Variants in PHC3 observed in about 807,000 individuals in gnomAD.
PHC3 encodes the protein polyhomeotic homolog 3.
In PHC3, 13 loss-of-function variants were observed where a neutral mutation model predicts 107.4. The ratio of observed to expected loss-of-function variants is 0.12; its 90% CI spans 0.08 to 0.19. PHC3 has a LOEUF of 0.19. PHC3 is among the 10% of genes least tolerant of loss of function. PHC3 has a pLI of 1.00. For missense variants in PHC3, 992 were observed against 1,210.9 expected (o/e 0.82, Z 2.68); for synonymous variants, 456 against 427.4 (o/e 1.07, Z -0.83).
intron 7 of PHC3, among the ~76,000 whole-genome samples, chr3:170,129,976 A>C (rs1721979610): frequency 2.6e-5 from 4 of 152,202 alleles, no homozygotes; most frequent in Admixed American, 1.3e-4. Flanking sequence ...TGGGATTACT[A>C]GCGTGAGCCA....
chr3:170,176,501 A>C (rs868478283), intron 2 of PHC3, among the ~76,000 whole-genome samples: 3 of 152,236 alleles, frequency 2.0e-5, no homozygotes, highest in Non-Finnish European at 4.4e-5. Flanking sequence ...GGATTCTACC[A>C]GAAGAAAGCA....
intron 12 of PHC3, among the ~76,000 whole-genome samples, chr3:170,106,567 T>G (rs1010481338): frequency 2.6e-5 from 4 of 152,174 alleles, no homozygotes; most frequent in Non-Finnish European, 5.9e-5. Context: ...AGATTACTAC[T>G]TTAATATTAG....
intron 6 of PHC3, among the ~76,000 whole-genome samples, chr3:170,142,460 CA>C (rs1164938269): frequency 0.014 from 1,960 of 135,648 alleles, 39 homozygotes; most frequent in African/African-American, 0.047. Context: ...CCGACTTTTG[CA>C]AAAAAAAAAA....
rs763602106 is a variant in PHC3, at chr3:170,172,656, T to C, written c.237A>G (p.Gln79=). Residue 79 remains glutamine (Q), a synonymous_variant, in exon 3 of 15, where the codon CAA becomes CAG. Transcript: ENST00000495893. ...PPSSAAQYLQ[Q]MYAAQQQHLM... ...AGTGCTGTTGTTGGGCTGCATACATTTGCTGAAGGTACTGAGCAGCTGAGC... is the reference window on the plus strand; with the variant it reads ...AGTGCTGTTGTTGGGCTGCATACATCTGCTGAAGGTACTGAGCAGCTGAGC... 1 of 1,613,402 alleles carries C rather than the reference T, an allele frequency of 6.2e-7. No homozygotes were observed. Among genetic ancestry groups the C allele is most frequent in the Non-Finnish European group, 8.5e-7 (1 of 1,179,602 alleles).
intron 9 of PHC3, among the ~76,000 whole-genome samples, chr3:170,117,862 A>C (rs1019899673): frequency 6.6e-6 from 1 of 151,994 alleles, no homozygotes; most frequent in African/African-American, 2.4e-5. Flanking sequence ...AAAAAAACAA[A>C]ATTAGCAGAG....
At chr3:170,146,877 CTTTTTTTTTTTTT>C (rs1035803336) in intron 5 of PHC3, among the ~76,000 whole-genome samples, 1,193 of 98,024 alleles carry the variant, frequency 0.012, 28 homozygotes, top group African/African-American at 0.044. Context: ...TCTATTTTTT[CTTTTTTTTTTTTT>C]TTTTTTTTTG....
At chr3:170,110,909 A>C (rs1269697922) in intron 11 of PHC3, among the ~76,000 whole-genome samples, 1 of 152,160 alleles carries the variant, frequency 6.6e-6, no homozygotes, top group Non-Finnish European at 1.5e-5. Flanking sequence ...TTGTAGATAT[A>C]GGCCAAGAAA....
chr3:170,168,700 G>A (rs1729114728), intron 4 of PHC3, among the ~76,000 whole-genome samples: 1 of 137,246 alleles, frequency 7.3e-6, no homozygotes, highest in Non-Finnish European at 1.5e-5. Context: ...CTTGCGGTGA[G>A]CCGAGATCAC....
intron 9 of PHC3, 111 bp from the exon 10 acceptor site, chr3:170,117,587 A>G: frequency 8.9e-7 from 1 of 1,117,602 alleles, no homozygotes; most frequent in South Asian, 1.7e-5. Flanking sequence ...GGTACTTTCA[A>G]AAACTGTTCT....
intron 4 of PHC3, among the ~76,000 whole-genome samples, chr3:170,154,992 G>A (rs533433445): frequency 6.6e-6 from 1 of 152,252 alleles, no homozygotes; most frequent in East Asian, 1.9e-4. Flanking sequence ...TGAAGACCCT[G>A]ACCAATCCTG....
At chr3:170,171,508 G>A in intron 3 of PHC3, 58 bp from the exon 4 acceptor site, 1 of 1,237,732 alleles carries the variant, frequency 8.1e-7, no homozygotes, top group Non-Finnish European at 1.1e-6. Context: ...AGAACTTTCT[G>A]GTACCATGAT....
intron 4 of PHC3, among the ~76,000 whole-genome samples, chr3:170,159,288 A>G (rs769260586): frequency 5.9e-5 from 9 of 151,976 alleles, no homozygotes; most frequent in African/African-American, 1.9e-4. Context: ...GATAAATAGC[A>G]TAACAGAGAT....
At chr3:170,113,872 C>T (rs1252235036) in intron 10 of PHC3, among the ~76,000 whole-genome samples, 3 of 152,018 alleles carry the variant, frequency 2.0e-5, no homozygotes, top group East Asian at 3.8e-4. Context: ...ATTTTGGTAG[C>T]TCAGTCCAAC....
At chr3:170,172,509 T>C in intron 3 of PHC3, 48 bp downstream of exon 3, 1 of 1,580,252 alleles carries the variant, frequency 6.3e-7, no homozygotes, top group South Asian at 1.2e-5. Context: ...AGTAACTACC[T>C]ACAGATAACA....
Position 170,097,249 on chromosome 3 carries a change from T to C in PHC3, c.2969A>G (p.Asn990Ser), listed in dbSNP as rs748139493. The C allele has an allele frequency of 3.7e-6, 6 of 1,608,218 alleles. No individual in the cohort carries two copies. The highest frequency in any genetic ancestry group is 2.2e-5 in the East Asian group (1 of 44,832). Residue 990 changes from asparagine (N) to serine (S), a missense_variant, in exon 15 of 15, where the codon AAC (asparagine) becomes AGC (serine). This residue lies in a region of PHC3 where 21 missense variants were observed against 52.5 expected (regional missense o/e 0.40). Transcript: ENST00000495893. The surrounding 1 kb of genome is among the most constrained non-coding windows in gnomAD (Gnocchi z 4.1). ...GPALKICARI[N>S]SLKES is the part of the protein sequence containing the mutation. Reference sequence around the variant, plus strand: ...TTCCTGTTAAGATTCCTTCAGAGAGTTGATGCGTGCACAGATCTTCAGGGC... The same window carrying C: ...TTCCTGTTAAGATTCCTTCAGAGAGCTGATGCGTGCACAGATCTTCAGGGC...
intron 6 of PHC3, among the ~76,000 whole-genome samples, chr3:170,143,433 T>TA (rs1724418830): frequency 1.3e-5 from 2 of 152,294 alleles, no homozygotes; most frequent in East Asian, 3.9e-4. Context: ...AATTAGCCTT[T>TA]ACTTGTAAAT....
chr3:170,102,745 C>T (rs771247212), intron 13 of PHC3, 35 bp from the exon 14 acceptor site: 2 of 1,613,250 alleles, frequency 1.2e-6, no homozygotes, highest in Admixed American at 3.3e-5. Flanking sequence ...TACAGCATTG[C>T]ACTTTCCTTG....
chr3:170,099,005 G>C (rs1192944445), intron 14 of PHC3, among the ~76,000 whole-genome samples: 1 of 152,040 alleles, frequency 6.6e-6, no homozygotes, highest in Non-Finnish European at 1.5e-5. Context: ...TTTTATGAAA[G>C]AACTAATGTT....
At chr3:170,157,956 A>G (rs1263966309) in intron 4 of PHC3, among the ~76,000 whole-genome samples, 3 of 151,914 alleles carry the variant, frequency 2.0e-5, no homozygotes, top group Non-Finnish European at 4.4e-5. Flanking sequence ...AGCAAGAGAA[A>G]AGTAGTTTTT....
Sources: gnomAD v4.1 joint callset for allele counts (sites outside exome capture counted in the v4.1 genomes callset) on GRCh38, gnomAD v4.1.1 for gene constraint, gnomAD v4.1.1 regional missense constraint, Gnocchi (gnomAD v3.1) non-coding constraint, MANE v1.5 for transcripts, NCBI Gene and HGNC (gene_info 2026-07-23, HGNC 2026-07-21) for gene names.